NOX4: variants seen among roughly 807,000 people sequenced by gnomAD.
NOX4 encodes the protein kidney oxidase-1.
NOX4 carries 69 observed loss-of-function variants against 87.6 expected under a neutral mutation model. That is an observed-to-expected ratio of 0.79 (90% confidence interval 0.65 to 0.96). The LOEUF (loss-of-function observed/expected upper bound fraction) is 0.96. NOX4 is among the 40% of genes least tolerant of loss of function. The pLI is 0.00. For synonymous variants in NOX4, 275 were observed against 238.2 expected (o/e 1.15, Z -1.42); for missense variants, 680 against 681.5 (o/e 1.00, Z 0.02).
At chr11:89,335,624 T>C (rs1945672942) in intron 17 of NOX4, among the ~76,000 whole-genome samples, 1 of 151,770 alleles carries the variant, frequency 6.6e-6, no homozygotes, top group African/African-American at 2.4e-5. Context: ...AGCTCATAAA[T>C]ACACTGTAGA....
intron 8 of NOX4, among the ~76,000 whole-genome samples, chr11:89,403,586 T>C (rs182699965): frequency 6.7e-4 from 102 of 152,014 alleles, no homozygotes; most frequent in African/African-American, 2.4e-3. Context: ...CTAAAAAACA[T>C]ACAAAATTAG....
chr11:89,401,823 C>T (rs1175474236), intron 9 of NOX4, among the ~76,000 whole-genome samples: 1 of 152,050 alleles, frequency 6.6e-6, no homozygotes, highest in Non-Finnish European at 1.5e-5. Context: ...TTGCAAGAAA[C>T]ATTCTGTATG....
At chr11:89,535,329 T>C in the NOX4 span, among the ~76,000 whole-genome samples, 2 of 152,266 alleles carry the variant, frequency 1.3e-5, no homozygotes, top group Non-Finnish European at 2.9e-5. Flanking sequence ...TATTTGACTA[T>C]GCTCTTTAAC....
At chr11:89,413,780 G>T (rs1942614809) in intron 8 of NOX4, among the ~76,000 whole-genome samples, 1 of 152,090 alleles carries the variant, frequency 6.6e-6, no homozygotes, top group South Asian at 2.1e-4. Context: ...AGTACAATTT[G>T]TATGTAACAC....
intron 2 of NOX4, among the ~76,000 whole-genome samples, chr11:89,467,130 C>T (rs544729258): frequency 1.3e-5 from 2 of 151,770 alleles, no homozygotes; most frequent in Non-Finnish European, 2.9e-5. Context: ...AGGCGGATCA[C>T]GAGATCAGGA....
Position 89,432,769 on chromosome 11 carries a change from G to T in NOX4, c.548+15C>A, listed in dbSNP as rs78092018. The stretch of plus-strand genomic sequence containing the variant: ...CTGACAGATACACATCAAAATAATT[G>T]ATTCTGACACTTACCTTATTGCATA... On this transcript the variant is annotated intron_variant, in intron 7 of 17. Coordinates refer to ENST00000263317, the MANE Select transcript of NOX4 (RefSeq NM_016931.5). 1.3e-5 allele frequency: 20 copies of T among 1,573,620 alleles called. No individual in the cohort carries two copies.
chr11:89,543,758 C>A, the NOX4 span, among the ~76,000 whole-genome samples: 11 of 152,114 alleles, frequency 7.2e-5, no homozygotes, highest in Non-Finnish European at 1.3e-4. Context: ...CTAACATTAA[C>A]TCCTCAATTG....
chr11:89,466,148 A>G (rs2135429103), intron 2 of NOX4, among the ~76,000 whole-genome samples: 1 of 152,272 alleles, frequency 6.6e-6, no homozygotes, highest in African/African-American at 2.4e-5. Context: ...CAACAGAAAA[A>G]TGTTTGTTGT....
chr11:89,406,554 T>G (rs1429932255), intron 8 of NOX4, among the ~76,000 whole-genome samples: 3 of 152,132 alleles, frequency 2.0e-5, no homozygotes, highest in African/African-American at 7.2e-5. Flanking sequence ...CTTATTAGTT[T>G]CAATATTATG....
At chr11:89,543,647 A>G in the NOX4 span, among the ~76,000 whole-genome samples, 1 of 152,098 alleles carries the variant, frequency 6.6e-6, no homozygotes, top group African/African-American at 2.4e-5. Flanking sequence ...AAATTGATGC[A>G]ACAAAAAATT....
intron 9 of NOX4, among the ~76,000 whole-genome samples, chr11:89,402,119 A>C (rs1265259906): frequency 6.6e-6 from 1 of 152,124 alleles, no homozygotes; most frequent in Non-Finnish European, 1.5e-5. Flanking sequence ...GTTAAGTAGA[A>C]ATGTTATATA....
At chr11:89,506,566 A>G in the NOX4 span, among the ~76,000 whole-genome samples, 2 of 151,746 alleles carry the variant, frequency 1.3e-5, no homozygotes. Flanking sequence ...ATGATCTATA[A>G]AAGGAAAAAT....
intron 8 of NOX4, among the ~76,000 whole-genome samples, chr11:89,410,905 G>A (rs1262745907): frequency 1.3e-5 from 2 of 152,120 alleles, no homozygotes; most frequent in African/African-American, 4.8e-5. Flanking sequence ...CCAAGAGAGT[G>A]CTTGCACCAC....
In NOX4 at chr11:89,479,263, G is replaced by C. The variant is rs1014239434; in HGVS notation, c.153+11195C>G. 7.9e-5 allele frequency among the ~76,000 whole-genome samples: 12 copies of C among 152,240 alleles called. 1 individual carries two copies. The highest frequency in any genetic ancestry group is 2.4e-4 in the African/African-American group (10 of 41,562). On this transcript the variant is annotated intron_variant, in intron 2 of 17. Transcript: ENST00000263317. ...ATTGGAAGAAAAGGAAGCTTACAAA[G>C]AGAATCAAAAGTATAGCATGGGGAT...
At chr11:89,435,129 T>C (rs1385507476) in intron 6 of NOX4, among the ~76,000 whole-genome samples, 1 of 152,116 alleles carries the variant, frequency 6.6e-6, no homozygotes, top group Non-Finnish European at 1.5e-5. Flanking sequence ...TGTACTTCAA[T>C]TATAATTTCA....
intron 11 of NOX4, among the ~76,000 whole-genome samples, chr11:89,396,526 A>G (rs542143381): frequency 6.6e-6 from 1 of 152,202 alleles, no homozygotes; most frequent in African/African-American, 2.4e-5. Context: ...AGACTGGCAA[A>G]TTGGATAAAG....
chr11:89,496,985 AT>A (rs369956398), upstream of NOX4, among the ~76,000 whole-genome samples: 313 of 152,294 alleles, frequency 2.1e-3, 2 homozygotes, highest in African/African-American at 7.3e-3. Flanking sequence ...TAAGTAGTAG[AT>A]TTCCAAGAGC....
intron 17 of NOX4, 94 bp from the exon 18 acceptor site, chr11:89,326,970 C>G: frequency 8.6e-7 from 1 of 1,169,554 alleles, no homozygotes; most frequent in Non-Finnish European, 1.2e-6. Flanking sequence ...AAAGTATTAA[C>G]AAAGTTGATT....
chr11:89,489,577 A>C (rs1023786609), intron 2 of NOX4, among the ~76,000 whole-genome samples: 1 of 151,880 alleles, frequency 6.6e-6, no homozygotes, highest in African/African-American at 2.4e-5. Flanking sequence ...AAAATACAAA[A>C]ATTAGCCAGG....
Sources: gnomAD v4.1 joint callset for allele counts (sites outside exome capture counted in the v4.1 genomes callset) on GRCh38, gnomAD v4.1.1 for gene constraint, MANE v1.5 for transcripts, NCBI Gene and HGNC (gene_info 2026-07-23, HGNC 2026-07-21) for gene names.